Variants in MARCHF8 observed in about 807,000 individuals in gnomAD.
The protein encoded by MARCHF8 is E3 ubiquitin-protein ligase MARCHF8.
In MARCHF8, 40 loss-of-function variants were observed where a neutral mutation model predicts 51.6. That is an observed-to-expected ratio of 0.77 (90% CI 0.60 to 1.01). The LOEUF (loss-of-function observed/expected upper bound fraction) is 1.01. Among genes scored for constraint, MARCHF8 ranks in the 50% least tolerant of loss-of-function variants. MARCHF8 has a pLI of 0.00. For missense variants in MARCHF8, 685 were observed against 708.6 expected, an observed-to-expected ratio of 0.97 and a Z score of 0.38; for synonymous variants, 263 against 280.3, an observed-to-expected ratio of 0.94 and a Z score of 0.62.
At chr10:45,557,160 T>A (rs2044261415) in intron 1 of MARCHF8, among the ~76,000 whole-genome samples, 1 of 141,200 alleles carries the variant, frequency 7.1e-6, no homozygotes, top group South Asian at 2.4e-4. Flanking sequence ...GGAGTTTCGC[T>A]CTTGTTGCCT....
intron 1 of MARCHF8, among the ~76,000 whole-genome samples, chr10:45,564,749 C>CAAT (rs71023128): frequency 0.062 from 9,360 of 150,958 alleles, 325 homozygotes; most frequent in Non-Finnish European, 0.067. Context: ...GAATAAACAA[C>CAAT]AACAACGACG....
chr10:45,505,953 C>G (rs1002968014), intron 2 of MARCHF8, among the ~76,000 whole-genome samples: 2 of 152,160 alleles, frequency 1.3e-5, no homozygotes, highest in Non-Finnish European at 2.9e-5. Flanking sequence ...GTCATAAACT[C>G]TTTCCGCATC....
At chr10:45,590,142 C>T (rs1249164611) in intron 1 of MARCHF8, among the ~76,000 whole-genome samples, 2 of 152,136 alleles carry the variant, frequency 1.3e-5, no homozygotes, top group African/African-American at 4.8e-5. Context: ...ACTTAGTAAC[C>T]GTCTTAGTTA....
At chr10:45,569,896 T>C (rs1198632636) in intron 1 of MARCHF8, among the ~76,000 whole-genome samples, 2 of 152,088 alleles carry the variant, frequency 1.3e-5, no homozygotes, top group Non-Finnish European at 2.9e-5. Flanking sequence ...CTACAAGAGA[T>C]ACCTTTTGAA....
At chr10:45,503,028 T>C (rs1008473532) in intron 2 of MARCHF8, among the ~76,000 whole-genome samples, 7 of 152,194 alleles carry the variant, frequency 4.6e-5, no homozygotes, top group African/African-American at 1.7e-4. Context: ...GTGAAAGTTG[T>C]GATATATTTT....
At chr10:45,469,795 G>A (rs1843103934) in intron 3 of MARCHF8, among the ~76,000 whole-genome samples, 1 of 146,908 alleles carries the variant, frequency 6.8e-6, no homozygotes, top group South Asian at 2.1e-4. Context: ...AACCCGGGAG[G>A]CGGAGCTTGC....
Position 45,457,929 on chromosome 10 carries a change from T to C in MARCHF8, c.*310A>G, listed in dbSNP as rs1842655422. The C allele has an allele frequency of 2.2e-5, 7 of 316,194 alleles. No individual in the cohort carries two copies. The highest frequency in any genetic ancestry group is 3.4e-5 in the Non-Finnish European group (6 of 174,888). The allele number at this position is 316,194 out of a possible 1,614,324, so 19.6% of individuals were successfully genotyped here. A position where few individuals can be genotyped will look rare whatever the true frequency, so the allele number is the denominator to read the frequency against. ...GGGCACCCCTGCTCCTCCTCTTCCC[T>C]TGGGATTGGCATTTTATTCTCTCAT... is the stretch of plus-strand genomic sequence containing the variant. On this transcript the variant is annotated 3_prime_UTR_variant, in exon 8 of 8. Coordinates refer to ENST00000453424, the MANE Select transcript of MARCHF8 (RefSeq NM_001282866.2).
chr10:45,585,545 G>A (rs920376521), intron 1 of MARCHF8, among the ~76,000 whole-genome samples: 6 of 152,124 alleles, frequency 3.9e-5, no homozygotes, highest in African/African-American at 1.4e-4. Context: ...ACAGCTTAGA[G>A]ATACAAATGT....
chr10:45,491,211 C>T (rs1244306671), intron 2 of MARCHF8, among the ~76,000 whole-genome samples: 2 of 152,172 alleles, frequency 1.3e-5, no homozygotes, highest in Non-Finnish European at 2.9e-5. Flanking sequence ...CATCTTAAGG[C>T]AGTCAATTAG....
chr10:45,507,251 T>A (rs939015996), intron 2 of MARCHF8, among the ~76,000 whole-genome samples: 1 of 151,632 alleles, frequency 6.6e-6, no homozygotes, highest in Non-Finnish European at 1.5e-5. Flanking sequence ...GAAAAAAAAA[T>A]AGTTTTGTCC....
chr10:45,469,408 G>A (rs1843083182), intron 3 of MARCHF8, among the ~76,000 whole-genome samples: 1 of 152,138 alleles, frequency 6.6e-6, no homozygotes. Flanking sequence ...TTCCGACTTT[G>A]GGATGACAGG....
At chr10:45,542,969 C>T (rs907801313) in intron 1 of MARCHF8, among the ~76,000 whole-genome samples, 1 of 152,182 alleles carries the variant, frequency 6.6e-6, no homozygotes, top group Non-Finnish European at 1.5e-5. Flanking sequence ...TCCCATCTAT[C>T]CTACTCTTCT....
chr10:45,475,640 T>G (rs1051910299), intron 3 of MARCHF8, among the ~76,000 whole-genome samples: 1 of 151,878 alleles, frequency 6.6e-6, no homozygotes, highest in Non-Finnish European at 1.5e-5. Flanking sequence ...AGCCAGAGGG[T>G]TGTCCTGCCA....
intron 1 of MARCHF8, among the ~76,000 whole-genome samples, chr10:45,588,485 C>T (rs7900810): frequency 0.27 from 40,462 of 151,926 alleles, 5,636 homozygotes; most frequent in South Asian, 0.37. Context: ...AAAACCATAC[C>T]AATATGTGAA....
intron 3 of MARCHF8, among the ~76,000 whole-genome samples, chr10:45,466,893 G>T (rs995542693): frequency 2.0e-5 from 3 of 152,146 alleles, no homozygotes; most frequent in African/African-American, 7.2e-5. Context: ...AAGGTAGGAG[G>T]GCAGAGCCTC....
chr10:45,581,243 T>A (rs867750884), intron 1 of MARCHF8, among the ~76,000 whole-genome samples: 1 of 152,090 alleles, frequency 6.6e-6, no homozygotes, highest in African/African-American at 2.4e-5. Flanking sequence ...CTGAACATCC[T>A]ACAATACACA....
intron 1 of MARCHF8, among the ~76,000 whole-genome samples, chr10:45,541,023 G>T (rs958579444): frequency 2.0e-5 from 3 of 152,140 alleles, no homozygotes; most frequent in Non-Finnish European, 4.4e-5. Context: ...ATTCCCCAGG[G>T]ATCTAGAACT....
intron 2 of MARCHF8, among the ~76,000 whole-genome samples, chr10:45,502,427 C>G (rs1035677288): frequency 2.2e-4 from 33 of 152,160 alleles, no homozygotes; most frequent in African/African-American, 7.9e-4. Context: ...AAAATTTTCC[C>G]AAGTTTGGAG....
intron 1 of MARCHF8, among the ~76,000 whole-genome samples, chr10:45,591,946 G>A (rs2044685893): frequency 6.6e-6 from 1 of 152,082 alleles, no homozygotes; most frequent in African/African-American, 2.4e-5. Flanking sequence ...TCAATCTGAA[G>A]GGCACCCATC....
Sources: allele counts gnomAD v4.1 joint callset (sites outside exome capture counted in the v4.1 genomes callset), GRCh38; gene constraint gnomAD v4.1.1; transcripts MANE v1.5; gene names NCBI Gene and HGNC (gene_info 2026-07-23, HGNC 2026-07-21).